NCBP3: variants seen among roughly 807,000 people sequenced by gnomAD.
NCBP3 encodes the protein nuclear cap binding subunit 3, also known as nuclear cap-binding protein subunit 3.
A neutral mutation model predicts 75.7 loss-of-function variants in NCBP3; 20 were observed. The ratio of observed to expected loss-of-function variants is 0.26; its 90% CI spans 0.19 to 0.38. The LOEUF (loss-of-function observed/expected upper bound fraction) is 0.38. Among genes scored for constraint, NCBP3 ranks in the 10% least tolerant of loss-of-function variants. The pLI, the probability that NCBP3 is intolerant of heterozygous loss-of-function variation, is 1.00. For missense variants in NCBP3, 678 were observed against 796.9 expected (o/e 0.85, Z 1.80); for synonymous variants, 293 against 290.5 (o/e 1.01, Z -0.09).
chr17:3,824,471 A>G (rs2053744464), intron 7 of NCBP3: 1 of 154,470 alleles, frequency 6.5e-6, no homozygotes, highest in Admixed American at 6.5e-5. Context: ...CACGCGATAC[A>G]TACATACATA....
At chr17:3,831,465 T>G (rs866910412) in intron 3 of NCBP3, among the ~76,000 whole-genome samples, 1 of 148,694 alleles carries the variant, frequency 6.7e-6, no homozygotes, top group Non-Finnish European at 1.5e-5. Flanking sequence ...CCCAGCTACT[T>G]GGGAGGCCGA....
chr17:3,824,701 A>C (rs977251712), intron 7 of NCBP3: 2 of 259,332 alleles, frequency 7.7e-6, no homozygotes, highest in African/African-American at 4.5e-5. Flanking sequence ...GAGGCAAACC[A>C]GTTTCAACAG....
chr17:3,828,911 A>G (rs1052856257), intron 4 of NCBP3, among the ~76,000 whole-genome samples: 12 of 152,170 alleles, frequency 7.9e-5, no homozygotes, highest in African/African-American at 2.7e-4. Context: ...TGCAGCCCCA[A>G]GTCTACGCAG....
chr17:3,844,030 G>C (rs980131831), intron 1 of NCBP3, among the ~76,000 whole-genome samples: 2 of 152,122 alleles, frequency 1.3e-5, no homozygotes, highest in African/African-American at 4.8e-5. Context: ...AAAATCTAAA[G>C]GCTTTTGTGG....
At chr17:3,843,358 C>T (rs946187659) in intron 1 of NCBP3, among the ~76,000 whole-genome samples, 3 of 151,988 alleles carry the variant, frequency 2.0e-5, no homozygotes, top group African/African-American at 7.3e-5. Context: ...CCATCCTCCC[C>T]CTCAGCTGGG....
rs372179548 is a variant in NCBP3, at chr17:3,845,772, G to C, written c.183+269C>G. On this transcript the variant is annotated intron_variant, in intron 1 of 12. Coordinates refer to ENST00000389005, the MANE Select transcript of NCBP3 (RefSeq NM_001114118.3). ...TCCTTGCACAGCGCGGCTCAGAGGGGGCAGCGGAGGGGGGTCCTCAACTCC... is the reference window on the plus strand; with the variant it reads ...TCCTTGCACAGCGCGGCTCAGAGGGCGCAGCGGAGGGGGGTCCTCAACTCC... Among the ~76,000 whole-genome samples, 4 of 152,138 alleles carry C rather than the reference G, an allele frequency of 2.6e-5. No homozygotes were observed. In the East Asian group the frequency reaches 7.8e-4, roughly 30 times the overall value.
chr17:3,807,122 G>A lies in NCBP3; in HGVS notation c.*5922C>T, dbSNP rs931662292. The A allele has an allele frequency of 1.3e-5, 2 of 152,236 alleles. No homozygotes were observed. The highest frequency in any genetic ancestry group is 1.5e-5 in the Non-Finnish European group (1 of 68,044). The allele number at this position is 152,236 out of a possible 1,614,324, so 9.4% of individuals were successfully genotyped here. A position where few individuals can be genotyped will look rare whatever the true frequency, so the allele number is the denominator to read the frequency against. The stretch of plus-strand genomic sequence containing the variant: ...TGCTGCTTTAGGCAAAAGAGCCACT[G>A]GAGGAATGAGCTCTGCTCTTTTCAC... On this transcript the variant is annotated 3_prime_UTR_variant, in exon 13 of 13. Coordinates refer to ENST00000389005, the MANE Select transcript of NCBP3 (RefSeq NM_001114118.3).
intron 7 of NCBP3, among the ~76,000 whole-genome samples, chr17:3,823,447 G>A (rs2053709998): frequency 6.6e-6 from 1 of 152,114 alleles, no homozygotes; most frequent in African/African-American, 2.4e-5. Flanking sequence ...AAACAAACAG[G>A]TAAAAACAGA....
At chr17:3,836,312 C>T (rs773174280) in intron 3 of NCBP3, among the ~76,000 whole-genome samples, 4 of 152,182 alleles carry the variant, frequency 2.6e-5, no homozygotes, top group Non-Finnish European at 5.9e-5. Flanking sequence ...CCAAGCGCCA[C>T]TCTATGGACT....
chr17:3,839,266 G>C (rs537757510), intron 3 of NCBP3, among the ~76,000 whole-genome samples: 1 of 152,154 alleles, frequency 6.6e-6, no homozygotes, highest in Non-Finnish European at 1.5e-5. Flanking sequence ...TTAAAACTCA[G>C]GGCAGGATTA....
intron 10 of NCBP3, among the ~76,000 whole-genome samples, chr17:3,817,891 CTA>C (rs1463442016): frequency 1.3e-5 from 2 of 151,950 alleles, no homozygotes; most frequent in Non-Finnish European, 2.9e-5. Context: ...CAATGCAAAA[CTA>C]TAAATAGCAT....
In NCBP3 at chr17:3,846,104, C is replaced by G; in HGVS notation, c.120G>C (p.Met40Ile). The change falls in exon 1 of 13, where the codon ATG becomes ATC. Residue 40 changes from methionine (M) to isoleucine (I), a missense_variant. Met to Ile is a conservative substitution (Grantham distance 10, BLOSUM62 1). Around this residue, in one of 7 missense-constraint regions of NCBP3, gnomAD observed 46 missense variants for 82.8 expected, o/e 0.56. Coordinates refer to ENST00000389005, the MANE Select transcript of NCBP3 (RefSeq NM_001114118.3). This position sits in a 1 kb window ranked among gnomAD's most constrained non-coding sequence, Gnocchi z 4.6. ...SGVDRGEPEP[M>I]EVEEGELEIV... Reference sequence around the variant, plus strand: ...TTTCCAGCTCGCCCTCCTCCACCTCCATGGGCTCCGGCTCGCCACGGTCAA... The same window carrying G: ...TTTCCAGCTCGCCCTCCTCCACCTCGATGGGCTCCGGCTCGCCACGGTCAA... 1 of 1,549,074 alleles carries G rather than the reference C, an allele frequency of 6.5e-7. No homozygotes were observed. Among genetic ancestry groups the G allele is most frequent in the Non-Finnish European group, 8.7e-7 (1 of 1,145,926 alleles).
At chr17:3,823,413 C>G (rs1482863958) in intron 7 of NCBP3, among the ~76,000 whole-genome samples, 2 of 152,152 alleles carry the variant, frequency 1.3e-5, no homozygotes, top group African/African-American at 4.8e-5. Context: ...AATAAAGAAT[C>G]CATGATTCTA....
At chr17:3,814,999 G>A (rs896646625) in intron 11 of NCBP3, among the ~76,000 whole-genome samples, 14 of 152,230 alleles carry the variant, frequency 9.2e-5, no homozygotes, top group African/African-American at 2.4e-4. Context: ...AAACACATTC[G>A]TTGGTGAGGC....
At chr17:3,822,359 T>C (rs967646532) in intron 7 of NCBP3, 1 of 221,774 alleles carries the variant, frequency 4.5e-6, no homozygotes, top group Non-Finnish European at 8.8e-6. Flanking sequence ...CTTTAGGTCA[T>C]TACAGGTACC....
chr17:3,846,160 C>T lies in NCBP3; in HGVS notation c.64G>A (p.Gly22Arg), dbSNP rs1232023330. 3 of 1,531,116 alleles carry T rather than the reference C, an allele frequency of 2.0e-6. No homozygotes were observed. Among genetic ancestry groups the T allele is most frequent in the South Asian group, 2.4e-5 (2 of 83,196 alleles). The allele number at this position is 1,531,116 out of a possible 1,614,324, so 94.8% of individuals were successfully genotyped here. A position where few individuals can be genotyped will look rare whatever the true frequency, so the allele number is the denominator to read the frequency against. The change falls in exon 1 of 13, where the codon GGG (glycine) becomes AGG (arginine). Residue 22 changes from glycine (G) to arginine (R), a missense_variant. Physicochemically the swap from Gly to Arg is moderately radical, Grantham distance 125 (BLOSUM62 -2). This residue lies in a region of NCBP3 where 76 missense variants were observed against 53.8 expected (regional missense o/e 1.41). Coordinates refer to ENST00000389005, the MANE Select transcript of NCBP3 (RefSeq NM_001114118.3). The surrounding 1 kb of genome is among the most constrained non-coding windows in gnomAD (Gnocchi z 4.6). ...KAEAPAGPAL[G>R]LPSPEAESGV... The stretch of plus-strand genomic sequence containing the variant: ...GACTCCGCCTCAGGGGACGGGAGCC[C>T]CAGGGCCGGCCCCGCCGGGGCCTCC...
Position 3,813,376 on chromosome 17 carries a change from A to G in NCBP3, c.1628-97T>C, listed in dbSNP as rs2053461175. 4.9e-6 allele frequency: 7 copies of G among 1,425,142 alleles called. No individual in the cohort carries two copies. The East Asian group carries it at 1.6e-4, about 33-fold the overall frequency. 88.3% of individuals were successfully genotyped at this position (1,425,142 alleles called of 1,614,324 possible). A position where few individuals can be genotyped will look rare whatever the true frequency, so the allele number is the denominator to read the frequency against. ...GCACTGCCAACACCTGCTGTGCAGG[A>G]AACGCCAGCAGTCTGTGGAGCCTGC... On this transcript the variant is annotated intron_variant, in intron 12 of 12. Coordinates refer to ENST00000389005, the MANE Select transcript of NCBP3 (RefSeq NM_001114118.3).
intron 5 of NCBP3, 97 bp downstream of exon 5, chr17:3,825,990 C>T (rs2143672566): frequency 4.1e-6 from 6 of 1,466,464 alleles, no homozygotes; most frequent in Non-Finnish European, 5.5e-6. Context: ...AGTTCAGAAA[C>T]ACTTGGTGAT....
intron 2 of NCBP3, among the ~76,000 whole-genome samples, chr17:3,841,767 A>C (rs929005949): frequency 4.8e-5 from 7 of 144,424 alleles, no homozygotes; most frequent in African/African-American, 1.5e-4. Flanking sequence ...CAGGAGGCAG[A>C]GGTTGCAGTG....
Sources: gnomAD v4.1 joint callset for allele counts (sites outside exome capture counted in the v4.1 genomes callset) on GRCh38, gnomAD v4.1.1 for gene constraint, gnomAD v4.1.1 regional missense constraint, Gnocchi (gnomAD v3.1) non-coding constraint, MANE v1.5 for transcripts, NCBI Gene and HGNC (gene_info 2026-07-23, HGNC 2026-07-21) for gene names.